Variants in ASB3 observed in about 807,000 individuals in gnomAD.
ASB3 encodes the protein ankyrin repeat and SOCS box containing 3, also known as ankyrin repeat and SOCS box protein 3.
In ASB3, 41 loss-of-function variants were observed where a neutral mutation model predicts 54.5. The ratio of observed to expected loss-of-function variants is 0.75; its 90% CI spans 0.59 to 0.98. The LOEUF (loss-of-function observed/expected upper bound fraction) is 0.98. Ranked by LOEUF, ASB3 falls within the 50% of genes least tolerant of loss-of-function variation. ASB3 has a pLI of 0.00. For missense variants in ASB3, 733 were observed against 620.0 expected (o/e 1.18, Z -1.94); for synonymous variants, 266 against 221.2 (o/e 1.20, Z -1.80).
intron 1 of ASB3, among the ~76,000 whole-genome samples, chr2:53,782,355 C>T (rs1229144092): frequency 1.3e-5 from 2 of 152,024 alleles, no homozygotes; most frequent in Non-Finnish European, 2.9e-5. Context: ...AACTGCAGTC[C>T]AGAACACACA....
chr2:53,768,116 G>A (rs1254043641), intron 1 of ASB3: 3 of 1,420,034 alleles, frequency 2.1e-6, no homozygotes, highest in African/African-American at 2.8e-5. Flanking sequence ...CCACACCTTA[G>A]CGCTTCATGG....
At chr2:53,687,255 A>C (rs1352686911) in intron 9 of ASB3, among the ~76,000 whole-genome samples, 4 of 151,308 alleles carry the variant, frequency 2.6e-5, no homozygotes, top group Non-Finnish European at 5.9e-5. Flanking sequence ...TTTCTCGCTA[A>C]AAAAAAAACA....
At chr2:53,743,564 G>C (rs188812200) in intron 3 of ASB3, among the ~76,000 whole-genome samples, 117 of 152,232 alleles carry the variant, frequency 7.7e-4, no homozygotes, top group Admixed American at 7.4e-3. Context: ...TTGGAAAAGC[G>C]GGGGGAGAAA....
At chr2:53,707,124 G>A (rs996735697) in intron 7 of ASB3, among the ~76,000 whole-genome samples, 1 of 152,208 alleles carries the variant, frequency 6.6e-6, no homozygotes, top group African/African-American at 2.4e-5. Flanking sequence ...TTTCTGTGAT[G>A]ATGTGCTATT....
intron 7 of ASB3, among the ~76,000 whole-genome samples, chr2:53,712,017 A>G (rs899574855): frequency 1.3e-5 from 2 of 152,196 alleles, no homozygotes; most frequent in Admixed American, 6.5e-5. Flanking sequence ...AAAATTCTAC[A>G]GAGTAACTGA....
chr2:53,709,745 G>T (rs1189177900), intron 7 of ASB3, among the ~76,000 whole-genome samples: 1 of 152,102 alleles, frequency 6.6e-6, no homozygotes, highest in Non-Finnish European at 1.5e-5. Context: ...CTCCAAGATG[G>T]CCCCCAATCA....
Position 53,700,489 on chromosome 2 carries a change from A to T in ASB3, c.1020T>A (p.Tyr340Ter), listed in dbSNP as rs915227608. The change falls in exon 8 of 10, where the codon TAT becomes TAA. Residue 340 changes from tyrosine (Y) to a stop codon, truncating the protein, a stop_gained. Transcript: ENST00000263634. LOFTEE classifies it high-confidence loss of function. ...FFGIVNILLK[Y>*]GAQINELHLA... ...AATGAAGTTCATTTATCTGGGCTCCATATTTCAAAAGAATGTTCACAATTC... is the reference window on the plus strand; with the variant it reads ...AATGAAGTTCATTTATCTGGGCTCCTTATTTCAAAAGAATGTTCACAATTC... The T allele has an allele frequency of 6.2e-7, 1 of 1,613,358 alleles. No homozygotes were observed.
At chr2:53,769,714 C>T (rs769660916) in intron 1 of ASB3, among the ~76,000 whole-genome samples, 16 of 152,156 alleles carry the variant, frequency 1.1e-4, no homozygotes, top group African/African-American at 2.2e-4. Flanking sequence ...GGCGTGGTGG[C>T]GCACGCCAGT....
At chr2:53,761,311 G>T (rs1673131861) in intron 2 of ASB3, among the ~76,000 whole-genome samples, 4 of 152,128 alleles carry the variant, frequency 2.6e-5, no homozygotes, top group Admixed American at 2.6e-4. Context: ...GAGCACAGAG[G>T]GAGGGACAAT....
At chr2:53,671,540 A>G (rs2103616251) in intron 9 of ASB3, among the ~76,000 whole-genome samples, 1 of 152,246 alleles carries the variant, frequency 6.6e-6, no homozygotes, top group African/African-American at 2.4e-5. Flanking sequence ...CGGGCAGATC[A>G]CCTGACGTCA....
rs922239748 is a variant in ASB3 at position 53,772,455 on chromosome 2, T to C, written c.-13-6870A>G. ...TCCCAAAGTGCTGGGATTACAGGCA[T>C]GAGCCACCGCGCCCAGCCGTGGGAT... On this transcript the variant is annotated intron_variant, in intron 1 of 9. Coordinates refer to ENST00000263634, the MANE Select transcript of ASB3 (RefSeq NM_016115.5). 2.6e-5 allele frequency among the ~76,000 whole-genome samples: 4 copies of C among 152,148 alleles called. No homozygotes were observed. In the South Asian group the frequency reaches 8.3e-4, roughly 32 times the overall value.
At chr2:53,706,308 C>T (rs1669766348) in intron 7 of ASB3, among the ~76,000 whole-genome samples, 1 of 152,130 alleles carries the variant, frequency 6.6e-6, no homozygotes, top group African/African-American at 2.4e-5. Flanking sequence ...TTCATTAATT[C>T]ACAAATATAT....
chr2:53,783,541 A>G (rs1478333458), intron 1 of ASB3, among the ~76,000 whole-genome samples: 2 of 152,174 alleles, frequency 1.3e-5, no homozygotes, highest in Non-Finnish European at 2.9e-5. Context: ...AAGATTCACC[A>G]CCTAGAAACA....
intron 2 of ASB3, among the ~76,000 whole-genome samples, chr2:53,751,861 T>C (rs1030967302): frequency 3.9e-5 from 6 of 152,182 alleles, no homozygotes; most frequent in African/African-American, 1.4e-4. Flanking sequence ...ACTTCACAGA[T>C]GCACAACTAA....
chr2:53,769,722 A>G (rs1406749358), intron 1 of ASB3, among the ~76,000 whole-genome samples: 3 of 152,194 alleles, frequency 2.0e-5, no homozygotes, highest in African/African-American at 7.2e-5. Flanking sequence ...GGCGCACGCC[A>G]GTAGAGTCCC....
intron 2 of ASB3, among the ~76,000 whole-genome samples, chr2:53,753,374 T>C (rs2104018084): frequency 6.6e-6 from 1 of 152,296 alleles, no homozygotes; most frequent in East Asian, 1.9e-4. Flanking sequence ...GCCAGGTTTC[T>C]TACTGTTGGA....
intron 5 of ASB3, among the ~76,000 whole-genome samples, chr2:53,718,085 G>A (rs986802851): frequency 7.2e-5 from 11 of 152,112 alleles, no homozygotes; most frequent in Admixed American, 7.2e-4. Flanking sequence ...TGAGAGAGAA[G>A]GAGAAAAAGT....
intron 3 of ASB3, among the ~76,000 whole-genome samples, chr2:53,744,831 T>C (rs1376592552): frequency 6.6e-6 from 1 of 152,254 alleles, no homozygotes; most frequent in Non-Finnish European, 1.5e-5. Context: ...TTAAAGCATA[T>C]GCTATGTGAG....
At chr2:53,687,264 C>A (rs968521003) in intron 9 of ASB3, among the ~76,000 whole-genome samples, 22 of 151,072 alleles carry the variant, frequency 1.5e-4, no homozygotes, top group African/African-American at 5.4e-4. Context: ...AAAAAAAAAA[C>A]AAAAACAAAA....
Sources: allele counts gnomAD v4.1 joint callset (sites outside exome capture counted in the v4.1 genomes callset), GRCh38; gene constraint gnomAD v4.1.1; transcripts MANE v1.5; gene names NCBI Gene and HGNC (gene_info 2026-07-23, HGNC 2026-07-21).